The following CFAP43 variants were observed in gnomAD, a reference collection of about 807,000 sequenced individuals.
CFAP43 encodes the protein cilia and flagella associated protein 43, also known as cilia- and flagella-associated protein 43.
In CFAP43, 155 loss-of-function variants were observed where a neutral mutation model predicts 218.9. The observed-to-expected ratio is 0.71, with a 90% confidence interval of 0.62 to 0.81. The LOEUF (loss-of-function observed/expected upper bound fraction) is 0.81. CFAP43 is among the 30% of genes least tolerant of loss of function. The probability of loss-of-function intolerance (pLI) is 0.00; values close to 1 mark genes in which losing one functional copy is unlikely to be tolerated. For synonymous variants in CFAP43, 645 were observed against 681.3 expected (o/e 0.95, Z 0.83); for missense variants, 1,778 against 1,954.3 (o/e 0.91, Z 1.70).
chr10:104,214,139 G>A, intron 4 of CFAP43, 120 bp downstream of exon 4: 1 of 858,076 alleles, frequency 1.2e-6, no homozygotes, highest in Non-Finnish European at 1.7e-6. Flanking sequence ...GTGTGTGTAT[G>A]TGTGTGTATG....
intron 21 of CFAP43, among the ~76,000 whole-genome samples, chr10:104,168,217 G>A (rs2089261320): frequency 6.6e-6 from 1 of 152,160 alleles, no homozygotes; most frequent in African/African-American, 2.4e-5. Context: ...AAAATGTAGG[G>A]TGGCCGTATA....
intron 3 of CFAP43, among the ~76,000 whole-genome samples, chr10:104,220,406 C>A (rs979015665): frequency 4.6e-5 from 7 of 152,130 alleles, no homozygotes; most frequent in Admixed American, 3.3e-4. Flanking sequence ...TTCCAGGAAG[C>A]CTTCCCTGAC....
intron 7 of CFAP43, 21 bp from the exon 8 acceptor site, chr10:104,203,824 C>T: frequency 6.3e-7 from 1 of 1,578,228 alleles, no homozygotes; most frequent in Admixed American, 1.8e-5. Context: ...GTGAGATAAA[C>T]ATAGAAAATC....
At chr10:104,197,187 T>C (rs2090404536) in intron 9 of CFAP43, among the ~76,000 whole-genome samples, 2 of 152,192 alleles carry the variant, frequency 1.3e-5, no homozygotes, top group African/African-American at 4.8e-5. Flanking sequence ...TCATGTAACA[T>C]ATTAAAGATA....
intron 1 of CFAP43, among the ~76,000 whole-genome samples, chr10:104,231,957 T>G (rs1302329838): frequency 1.6e-4 from 19 of 118,776 alleles, no homozygotes; most frequent in Admixed American, 2.7e-4. Context: ...GAATAAGGAG[T>G]GGGAAAGACA....
intron 28 of CFAP43, among the ~76,000 whole-genome samples, chr10:104,151,024 T>C (rs915403157): frequency 3.9e-5 from 6 of 152,286 alleles, no homozygotes; most frequent in African/African-American, 1.4e-4. Flanking sequence ...GTTGGTTTAA[T>C]AAGGATTATG....
chr10:104,161,218 A>G, intron 26 of CFAP43, 56 bp from the exon 27 acceptor site: 1 of 1,552,482 alleles, frequency 6.4e-7, no homozygotes. Flanking sequence ...GCAGTAGTAC[A>G]GTAAAAGCTC....
chr10:104,150,324 TTCTA>T (rs1293378826), intron 28 of CFAP43, among the ~76,000 whole-genome samples: 1 of 152,152 alleles, frequency 6.6e-6, no homozygotes, highest in Non-Finnish European at 1.5e-5. Context: ...GATTACATTC[TTCTA>T]TCTGTGGCCA....
At chr10:104,167,564 G>A in intron 22 of CFAP43, 57 bp downstream of exon 22, 2 of 1,325,222 alleles carry the variant, frequency 1.5e-6, no homozygotes, top group Non-Finnish European at 2.0e-6. Flanking sequence ...CTGAACAAAG[G>A]AGACTCTAAA....
chr10:104,175,683 T>C (rs2089602170), intron 19 of CFAP43, among the ~76,000 whole-genome samples: 1 of 152,114 alleles, frequency 6.6e-6, no homozygotes, highest in South Asian at 2.1e-4. Context: ...TGCCCAACAT[T>C]GTGAGAGAGT....
Position 104,187,465 on chromosome 10 carries a change from C to A in CFAP43, c.1715G>T (p.Gly572Val). 2 of 1,592,382 alleles carry A rather than the reference C, an allele frequency of 1.3e-6. No individual in the cohort carries two copies. Among genetic ancestry groups the A allele is most frequent in the Non-Finnish European group, 1.7e-6 (2 of 1,170,932 alleles). Residue 572 changes from glycine (G) to valine (V), a missense_variant, in exon 14 of 38, where the codon GGA becomes GTA. Around this residue, in one of 3 missense-constraint regions of CFAP43, gnomAD observed 1,553 missense variants for 1,685.2 expected, o/e 0.92. Coordinates refer to ENST00000357060, the MANE Select transcript of CFAP43 (RefSeq NM_025145.7). ...QVSTTFADER[G>V]RLKDEIIHKY... ...ATGAATGATTTCATCTTTCAGCCTT[C>A]CTCTTTCATCAGCAAAGGTTGTGGA...
intron 27 of CFAP43, 133 bp downstream of exon 27, chr10:104,160,904 A>G: frequency 1.1e-6 from 1 of 899,068 alleles, no homozygotes; most frequent in East Asian, 2.8e-5. Flanking sequence ...ACTTCTCCAA[A>G]TTCTCTTGAG....
intron 15 of CFAP43, among the ~76,000 whole-genome samples, chr10:104,185,522 T>C (rs1053220651): frequency 2.0e-5 from 3 of 152,038 alleles, no homozygotes; most frequent in Non-Finnish European, 4.4e-5. Flanking sequence ...GGAGGTTCTA[T>C]TTATGTGTGA....
At chr10:104,138,076 A>G (rs1189476912) in intron 34 of CFAP43, among the ~76,000 whole-genome samples, 1 of 152,222 alleles carries the variant, frequency 6.6e-6, no homozygotes, top group Non-Finnish European at 1.5e-5. Context: ...AGAGTATAGC[A>G]TGGAACAGTG....
intron 21 of CFAP43, among the ~76,000 whole-genome samples, chr10:104,168,250 A>C (rs2089263275): frequency 6.6e-6 from 1 of 152,194 alleles, no homozygotes; most frequent in Non-Finnish European, 1.5e-5. Flanking sequence ...CATTGGGAGC[A>C]TATTTGAAAG....
intron 6 of CFAP43, among the ~76,000 whole-genome samples, chr10:104,207,180 A>C (rs565990839): frequency 6.5e-4 from 98 of 151,922 alleles, no homozygotes; most frequent in African/African-American, 1.6e-3. Flanking sequence ...CTAAAAAAAA[A>C]CCAAAAAAAC....
chr10:104,133,684 C>T lies in CFAP43; in HGVS notation c.4532G>A (p.Arg1511Lys). The T allele has an allele frequency of 1.2e-6, 2 of 1,613,666 alleles. No individual in the cohort carries two copies. Among genetic ancestry groups the T allele is most frequent in the Non-Finnish European group, 1.7e-6 (2 of 1,179,820 alleles). The change falls in exon 35 of 38, where the codon AGG (arginine) becomes AAG (lysine). Residue 1511 changes from arginine (R) to lysine (K), a missense_variant. This residue lies in a region of CFAP43 where 211 missense variants were observed against 230.6 expected (regional missense o/e 0.91). Coordinates refer to ENST00000357060, the MANE Select transcript of CFAP43 (RefSeq NM_025145.7). ...CCAAGCCTTCTGATTTAGATCTTCC[C>T]TTTCCATCTCCATTTTCTTATGTTC... Reference protein sequence around the residue: ...EWEHKKMEMEREDLNQKAWDI... With the variant: ...EWEHKKMEMEKEDLNQKAWDI...
At chr10:104,217,476 T>C (rs1052385634) in intron 3 of CFAP43, among the ~76,000 whole-genome samples, 5 of 152,168 alleles carry the variant, frequency 3.3e-5, no homozygotes, top group Admixed American at 1.3e-4. Context: ...ATCAGAGCCA[T>C]GTACATCACT....
At chr10:104,200,322 G>A (rs1219784224) in intron 8 of CFAP43, among the ~76,000 whole-genome samples, 2 of 152,190 alleles carry the variant, frequency 1.3e-5, no homozygotes, top group East Asian at 1.9e-4. Flanking sequence ...TCTGCATCTC[G>A]TTATTGGGCC....
Sources: gnomAD v4.1 joint callset for allele counts (sites outside exome capture counted in the v4.1 genomes callset) on GRCh38, gnomAD v4.1.1 for gene constraint, gnomAD v4.1.1 regional missense constraint, MANE v1.5 for transcripts, NCBI Gene and HGNC (gene_info 2026-07-23, HGNC 2026-07-21) for gene names.